TCERG1L: variants seen among roughly 807,000 people sequenced by gnomAD.
TCERG1L encodes the protein transcription elongation regulator 1 like.
Under a neutral mutation model 56.3 loss-of-function variants are expected in TCERG1L, and 37 were observed. That is an observed-to-expected ratio of 0.66 (90% CI 0.51 to 0.87). TCERG1L has a LOEUF of 0.87. Ranked by LOEUF, TCERG1L falls within the 40% of genes least tolerant of loss-of-function variation. TCERG1L has a pLI of 0.00. For missense variants in TCERG1L, 799 were observed against 774.2 expected, an observed-to-expected ratio of 1.03 and a Z score of -0.38; for synonymous variants, 324 against 326.3, an observed-to-expected ratio of 0.99 and a Z score of 0.08.
Position 131,311,338 on chromosome 10 carries a change from C to CGGG in TCERG1L, c.297_298insCCC (p.Ser99_Ala100insPro), listed in dbSNP as rs1846894204. Reference sequence around the variant, plus strand: ...AAGGGGTGCGCGGCGGCGGCGGCGGCGGAGTCTGGCGCAGAGGGCAGCGGC... The same window carrying CGGG: ...AAGGGGTGCGCGGCGGCGGCGGCGGCGGGGGAGTCTGGCGCAGAGGGCAGCGGC... On this transcript the variant is annotated inframe_insertion, in exon 1 of 12. Coordinates refer to ENST00000368642, the MANE Select transcript of TCERG1L (RefSeq NM_174937.4). The surrounding 1 kb of genome is among the most constrained non-coding windows in gnomAD (Gnocchi z 4.0). 1 of 1,204,044 alleles carries CGGG rather than the reference C, an allele frequency of 8.3e-7. No homozygotes were observed. Among genetic ancestry groups the CGGG allele is most frequent in the East Asian group, 3.5e-5 (1 of 28,760 alleles). The allele number at this position is 1,204,044 out of a possible 1,614,324, so 74.6% of individuals were successfully genotyped here. A position where few individuals can be genotyped will look rare whatever the true frequency, so the allele number is the denominator to read the frequency against.
At chr10:131,134,133 G>A (rs187366058) in intron 8 of TCERG1L, among the ~76,000 whole-genome samples, 35 of 152,278 alleles carry the variant, frequency 2.3e-4, no homozygotes, top group East Asian at 1.9e-3. Flanking sequence ...GCATGTGGGC[G>A]CCTGGGTAGG....
intron 4 of TCERG1L, among the ~76,000 whole-genome samples, chr10:131,171,341 T>C (rs1428608704): frequency 2.0e-5 from 3 of 151,920 alleles, no homozygotes; most frequent in African/African-American, 7.3e-5. Flanking sequence ...TGACCCGGGG[T>C]CAGGGTCCTG....
intron 4 of TCERG1L, among the ~76,000 whole-genome samples, chr10:131,241,846 C>G (rs1845977444): frequency 1.3e-5 from 2 of 151,984 alleles, no homozygotes; most frequent in Non-Finnish European, 2.9e-5. Flanking sequence ...TAGAAAATCA[C>G]TGAACATCCG....
Position 131,260,465 on chromosome 10 carries a change from G to C in TCERG1L, c.671-21C>G. 3 of 1,378,028 alleles carry C rather than the reference G, an allele frequency of 2.2e-6. No individual in the cohort carries two copies. Among genetic ancestry groups the C allele is most frequent in the Non-Finnish European group, 2.8e-6 (3 of 1,062,266 alleles). The allele number at this position is 1,378,028 out of a possible 1,614,324, so 85.4% of individuals were successfully genotyped here. The stretch of plus-strand genomic sequence containing the variant: ...GCCACCTGCGGAAGAGGGATGCAGA[G>C]GGTCAGCAAGGGGACGACCAGGGCC... On this transcript the variant is annotated intron_variant, in intron 3 of 11. Coordinates refer to ENST00000368642, the MANE Select transcript of TCERG1L (RefSeq NM_174937.4). The surrounding 1 kb of genome is among the most constrained non-coding windows in gnomAD (Gnocchi z 5.8).
chr10:131,224,254 C>T (rs1242527696), intron 4 of TCERG1L, among the ~76,000 whole-genome samples: 2 of 152,150 alleles, frequency 1.3e-5, no homozygotes, highest in Non-Finnish European at 2.9e-5. Flanking sequence ...TCCTGCCCCA[C>T]ACGCCTTTCC....
intron 4 of TCERG1L, among the ~76,000 whole-genome samples, chr10:131,247,937 A>G (rs1026080323): frequency 2.6e-5 from 4 of 151,906 alleles, no homozygotes; most frequent in African/African-American, 4.8e-5. Flanking sequence ...ACTCACACAC[A>G]GGTAAACTCA....
At chr10:131,182,001 T>C (rs11592708) in intron 4 of TCERG1L, among the ~76,000 whole-genome samples, 3 of 152,230 alleles carry the variant, frequency 2.0e-5, no homozygotes, top group African/African-American at 7.2e-5. Context: ...TGTGTGCACA[T>C]AGCACACCGT....
intron 8 of TCERG1L, among the ~76,000 whole-genome samples, chr10:131,127,493 G>C (rs967586146): frequency 6.6e-6 from 1 of 152,236 alleles, no homozygotes; most frequent in Non-Finnish European, 1.5e-5. Context: ...AGCCCAGGTG[G>C]CCCAGGAAGT....
chr10:131,195,430 A>G (rs1460749814), intron 4 of TCERG1L, among the ~76,000 whole-genome samples: 1 of 152,230 alleles, frequency 6.6e-6, no homozygotes, highest in Non-Finnish European at 1.5e-5. Flanking sequence ...GAAACCAAAA[A>G]GGAGGAAATC....
intron 4 of TCERG1L, among the ~76,000 whole-genome samples, chr10:131,172,231 G>A (rs1218380545): frequency 1.3e-5 from 2 of 152,066 alleles, no homozygotes; most frequent in East Asian, 1.9e-4. Flanking sequence ...GCCCGGGGAG[G>A]AGGGGAACCC....
At chr10:131,247,228 G>A (rs1469076494) in intron 4 of TCERG1L, among the ~76,000 whole-genome samples, 1 of 152,178 alleles carries the variant, frequency 6.6e-6, no homozygotes, top group Non-Finnish European at 1.5e-5. Flanking sequence ...CTACTCAAAG[G>A]TACCCTGTGC....
chr10:131,287,783 ACT>A (rs1324392086), intron 3 of TCERG1L, among the ~76,000 whole-genome samples: 1 of 152,132 alleles, frequency 6.6e-6, no homozygotes, highest in Admixed American at 6.5e-5. Flanking sequence ...AATGCAATTA[ACT>A]CTTGCAATAA....
intron 4 of TCERG1L, among the ~76,000 whole-genome samples, chr10:131,168,384 C>A (rs1846053863): frequency 6.6e-6 from 1 of 152,188 alleles, no homozygotes; most frequent in South Asian, 2.1e-4. Flanking sequence ...GTCATGTCCT[C>A]CGTGGGCATT....
chr10:131,232,340 C>T (rs1194001925), intron 4 of TCERG1L, among the ~76,000 whole-genome samples: 4 of 152,242 alleles, frequency 2.6e-5, no homozygotes, highest in African/African-American at 4.8e-5. Flanking sequence ...CAGCTGCCGT[C>T]TCAGCAGTGG....
chr10:131,177,890 CGCACT>C (rs1485405378), intron 4 of TCERG1L, among the ~76,000 whole-genome samples: 1 of 150,684 alleles, frequency 6.6e-6, no homozygotes, highest in Non-Finnish European at 1.5e-5. Flanking sequence ...GCATGACGCT[CGCACT>C]GCACACAGGA....
intron 3 of TCERG1L, among the ~76,000 whole-genome samples, chr10:131,302,245 C>T (rs1477154345): frequency 6.6e-6 from 1 of 151,938 alleles, no homozygotes; most frequent in African/African-American, 2.4e-5. Flanking sequence ...TAAGTAGTGC[C>T]TCCAACATTC....
rs1031784372 is a variant in TCERG1L at position 131,311,452 on chromosome 10, G to A, written c.184C>T (p.Leu62=). Residue 62 remains leucine (L), a synonymous_variant, in exon 1 of 12, where the codon CTG becomes TTG. Transcript: ENST00000368642. This position sits in a 1 kb window ranked among gnomAD's most constrained non-coding sequence, Gnocchi z 4.0. The part of the protein sequence containing the change: ...LSAGVVVPPV[L]LASAPPPAAP... ...GCGGGCGGCGGGGCCGAGGCGAGCAGCACCGGGGGAACCACGACCCCCGCG... is the reference window on the plus strand; with the variant it reads ...GCGGGCGGCGGGGCCGAGGCGAGCAACACCGGGGGAACCACGACCCCCGCG... 4.2e-6 allele frequency: 5 copies of A among 1,180,614 alleles called. No individual in the cohort carries two copies. In the African/African-American group the frequency reaches 8.1e-5, roughly 19 times the overall value. The allele number at this position is 1,180,614 out of a possible 1,614,324, so 73.1% of individuals were successfully genotyped here.
chr10:131,159,905 G>A (rs1026758236), intron 6 of TCERG1L, among the ~76,000 whole-genome samples: 21 of 152,310 alleles, frequency 1.4e-4, no homozygotes, highest in African/African-American at 4.1e-4. Flanking sequence ...CCACCTTTAA[G>A]GGTGAGTGCA....
At chr10:131,185,539 C>G (rs1033142962) in intron 4 of TCERG1L, among the ~76,000 whole-genome samples, 1 of 152,044 alleles carries the variant, frequency 6.6e-6, no homozygotes, top group Non-Finnish European at 1.5e-5. Context: ...TACAACTCAA[C>G]AAGAAAATGA....
Sources: allele counts gnomAD v4.1 joint callset (sites outside exome capture counted in the v4.1 genomes callset), GRCh38; gene constraint gnomAD v4.1.1; non-coding constraint Gnocchi (gnomAD v3.1); transcripts MANE v1.5; gene names NCBI Gene and HGNC (gene_info 2026-07-23, HGNC 2026-07-21).